SFT2D2: variants seen among roughly 807,000 people sequenced by gnomAD.
SFT2D2 encodes SFT2 domain containing 2, also known as vesicle transport protein SFT2B.
A neutral mutation model predicts 27.4 loss-of-function variants in SFT2D2; 21 were observed. The observed-to-expected ratio is 0.77, with a 90% confidence interval of 0.54 to 1.10. The LOEUF is 1.10. Ranked by LOEUF, SFT2D2 falls within the 50% of genes least tolerant of loss-of-function variation. SFT2D2 has a pLI of 0.00. For missense variants in SFT2D2, 187 were observed against 194.2 expected (o/e 0.96, Z 0.22); for synonymous variants, 72 against 71.7 (o/e 1.00, Z -0.02).
intron 4 of SFT2D2, 56 bp downstream of exon 4, chr1:168,235,238 T>C (rs773562045): frequency 1.3e-6 from 2 of 1,520,054 alleles, no homozygotes; most frequent in Admixed American, 1.7e-5. Flanking sequence ...TTCTATTGTA[T>C]AGGATGTTTT....
intron 3 of SFT2D2, 122 bp from the exon 4 acceptor site, chr1:168,234,979 A>T: frequency 1.2e-6 from 1 of 862,160 alleles, no homozygotes; most frequent in South Asian, 1.4e-5. Context: ...CCTTCAGCAC[A>T]GTCAGAATGA....
Position 168,252,747 on chromosome 1 carries a change from C to T in SFT2D2, c.*10207C>T, listed in dbSNP as rs1373744219. On this transcript the variant is annotated 3_prime_UTR_variant, in exon 8 of 8. Transcript: ENST00000271375. ...TTAAAATGTTTGAGCTTTTAAAATACGTTGTTAAAACATGAATCCATTTTT... is the reference window on the plus strand; with the variant it reads ...TTAAAATGTTTGAGCTTTTAAAATATGTTGTTAAAACATGAATCCATTTTT... 2 of 152,122 alleles carry T rather than the reference C, an allele frequency of 1.3e-5. No individual in the cohort carries two copies. The highest frequency in any genetic ancestry group is 2.4e-5 in the African/African-American group (1 of 41,406). 9.4% of individuals were successfully genotyped at this position (152,122 alleles called of 1,614,324 possible).
Position 168,242,613 on chromosome 1 carries a change from C to T in SFT2D2, c.*73C>T, listed in dbSNP as rs559874304. 8.4e-5 allele frequency: 131 copies of T among 1,552,314 alleles called. No homozygotes were observed. In the African/African-American group the frequency reaches 1.6e-3, roughly 18 times the overall value. On this transcript the variant is annotated 3_prime_UTR_variant, in exon 8 of 8. Coordinates refer to ENST00000271375, the MANE Select transcript of SFT2D2 (RefSeq NM_199344.3). Reference sequence around the variant, plus strand: ...TGGTGGACAGTTTTGTAACTATCTTCGAAACCTCTGTCTTACAGACATGTG... The same window carrying T: ...TGGTGGACAGTTTTGTAACTATCTTTGAAACCTCTGTCTTACAGACATGTG...
chr1:168,227,247 C>T (rs1383567399), intron 1 of SFT2D2, among the ~76,000 whole-genome samples: 1 of 152,176 alleles, frequency 6.6e-6, no homozygotes, highest in African/African-American at 2.4e-5. Context: ...GACAAAATAA[C>T]GTTTCTCTTC....
At chr1:168,232,825 C>T (rs1261859802) in intron 3 of SFT2D2, among the ~76,000 whole-genome samples, 1 of 152,186 alleles carries the variant, frequency 6.6e-6, no homozygotes, top group African/African-American at 2.4e-5. Flanking sequence ...AAGAAATTCT[C>T]AAGGAGGGGC....
At chr1:168,226,441 G>C (rs1339357954) in intron 1 of SFT2D2, among the ~76,000 whole-genome samples, 1 of 151,906 alleles carries the variant, frequency 6.6e-6, no homozygotes, top group Non-Finnish European at 1.5e-5. Context: ...TGTCGGCCCC[G>C]GCCCCACCGG....
At chr1:168,241,302 G>C (rs896069830) in intron 7 of SFT2D2, among the ~76,000 whole-genome samples, 1 of 141,350 alleles carries the variant, frequency 7.1e-6, no homozygotes, top group East Asian at 2.1e-4. Context: ...CCAACCTCCT[G>C]GCTTCAAGCT....
At chr1:168,226,432 G>A (rs1700459791) in intron 1 of SFT2D2, among the ~76,000 whole-genome samples, 1 of 152,190 alleles carries the variant, frequency 6.6e-6, no homozygotes, top group Admixed American at 6.5e-5. Context: ...CGACTGGGCT[G>A]TCGGCCCCGG....
Position 168,247,310 on chromosome 1 carries a change from G to A in SFT2D2, c.*4770G>A, listed in dbSNP as rs1163514947. The A allele has an allele frequency of 5.4e-5, 11 of 202,214 alleles. No homozygotes were observed. The South Asian group carries it at 5.7e-4, about 11-fold the overall frequency. 12.5% of individuals were successfully genotyped at this position (202,214 alleles called of 1,614,324 possible). A position where few individuals can be genotyped will look rare whatever the true frequency, so the allele number is the denominator to read the frequency against. ...TTTGTTACATAGGTATACATGTAATGTTATCCCTCCCCTAGCCCCCACCCC... is the reference window on the plus strand; with the variant it reads ...TTTGTTACATAGGTATACATGTAATATTATCCCTCCCCTAGCCCCCACCCC... On this transcript the variant is annotated 3_prime_UTR_variant, in exon 8 of 8. Coordinates refer to ENST00000271375, the MANE Select transcript of SFT2D2 (RefSeq NM_199344.3).
chr1:168,249,514 G>A lies in SFT2D2; in HGVS notation c.*6974G>A, dbSNP rs985134413. Reference sequence around the variant, plus strand: ...GCCTCCCAAAGTGCTGGGATTACAGGCGTGAGCCACCATGCCCAGCCCCAT... The same window carrying A: ...GCCTCCCAAAGTGCTGGGATTACAGACGTGAGCCACCATGCCCAGCCCCAT... On this transcript the variant is annotated 3_prime_UTR_variant, in exon 8 of 8. Transcript: ENST00000271375. 1.2e-4 allele frequency: 18 copies of A among 152,852 alleles called. No individual in the cohort carries two copies. Among genetic ancestry groups the A allele is most frequent in the African/African-American group, 4.3e-4 (18 of 41,452 alleles). The allele number at this position is 152,852 out of a possible 1,614,324, so 9.5% of individuals were successfully genotyped here.
Position 168,249,588 on chromosome 1 carries a change from C to T in SFT2D2, c.*7048C>T, listed in dbSNP as rs1160116415. 2.0e-5 allele frequency: 3 copies of T among 152,432 alleles called. No homozygotes were observed. Among genetic ancestry groups the T allele is most frequent in the Non-Finnish European group, 4.4e-5 (3 of 68,056 alleles). The allele number at this position is 152,432 out of a possible 1,614,324, so 9.4% of individuals were successfully genotyped here. A position where few individuals can be genotyped will look rare whatever the true frequency, so the allele number is the denominator to read the frequency against. ...CTTTGTGGGACATGAGGCCAAGGTA[C>T]CTTTTAAGATGTCACCTGTATAGCA... On this transcript the variant is annotated 3_prime_UTR_variant, in exon 8 of 8. Coordinates refer to ENST00000271375, the MANE Select transcript of SFT2D2 (RefSeq NM_199344.3).
Position 168,231,730 on chromosome 1 carries a change from A to T in SFT2D2, c.151-104A>T, listed in dbSNP as rs1343181049. 4.9e-6 allele frequency: 7 copies of T among 1,432,718 alleles called. No homozygotes were observed. In the African/African-American group the frequency reaches 9.9e-5, roughly 20 times the overall value. The allele number at this position is 1,432,718 out of a possible 1,614,324, so 88.8% of individuals were successfully genotyped here. A position where few individuals can be genotyped will look rare whatever the true frequency, so the allele number is the denominator to read the frequency against. ...GGATGAGAGGAGAGGGGAATAAGGG[A>T]GGTGGGGAGGGAAACGGACTCCTCA... On this transcript the variant is annotated intron_variant, in intron 2 of 7. Coordinates refer to ENST00000271375, the MANE Select transcript of SFT2D2 (RefSeq NM_199344.3).
At chr1:168,234,179 C>T (rs952715588) in intron 3 of SFT2D2, among the ~76,000 whole-genome samples, 5 of 152,102 alleles carry the variant, frequency 3.3e-5, no homozygotes, top group Admixed American at 6.6e-5. Context: ...GGGCGGATCA[C>T]GAGGTCAAGA....
intron 1 of SFT2D2, among the ~76,000 whole-genome samples, chr1:168,227,905 CTAGT>C (rs1005171259): frequency 6.6e-6 from 1 of 152,186 alleles, no homozygotes; most frequent in Non-Finnish European, 1.5e-5. Context: ...CAGTGGACGA[CTAGT>C]AAAGTTTGCA....
rs1043887478 is a variant in SFT2D2, at chr1:168,245,392, C to G, written c.*2852C>G. On this transcript the variant is annotated 3_prime_UTR_variant, in exon 8 of 8. Transcript: ENST00000271375. ...AATATAAAATTCTTGGGAATAAACC[C>G]GACAAACTATGTGGATTATCTGTAC... The G allele has an allele frequency of 1.3e-5, 2 of 151,882 alleles. No homozygotes were observed. The highest frequency in any genetic ancestry group is 6.6e-5 in the Admixed American group (1 of 15,254). The allele number at this position is 151,882 out of a possible 1,614,324, so 9.4% of individuals were successfully genotyped here.
intron 3 of SFT2D2, among the ~76,000 whole-genome samples, chr1:168,232,236 A>G (rs1647340870): frequency 6.6e-6 from 1 of 152,120 alleles, no homozygotes; most frequent in Non-Finnish European, 1.5e-5. Flanking sequence ...GCTGTCAGAG[A>G]TTGAGTTGAT....
chr1:168,231,182 C>T (rs745598072), intron 1 of SFT2D2, among the ~76,000 whole-genome samples: 3 of 152,106 alleles, frequency 2.0e-5, no homozygotes, highest in Non-Finnish European at 4.4e-5. Flanking sequence ...TTCATCCTGC[C>T]TGGGTTGTAG....
At chr1:168,237,849 G>A (rs1647542750) in intron 6 of SFT2D2, among the ~76,000 whole-genome samples, 1 of 140,548 alleles carries the variant, frequency 7.1e-6, no homozygotes, top group Non-Finnish European at 1.5e-5. Flanking sequence ...TTATGTGTGT[G>A]TGTGTGTGTA....
At chr1:168,239,100 A>C in intron 6 of SFT2D2, 31 bp from the exon 7 acceptor site, 1 of 1,573,454 alleles carries the variant, frequency 6.4e-7, no homozygotes, top group South Asian at 1.1e-5. Flanking sequence ...CCTTCATCTC[A>C]TTTGACCCTT....
Sources: allele counts gnomAD v4.1 joint callset (sites outside exome capture counted in the v4.1 genomes callset), GRCh38; gene constraint gnomAD v4.1.1; transcripts MANE v1.5; gene names NCBI Gene and HGNC (gene_info 2026-07-23, HGNC 2026-07-21).